The following FRAS1 variants were observed in gnomAD, a reference collection of about 807,000 sequenced individuals.
FRAS1 encodes Fraser extracellular matrix complex subunit 1, also known as extracellular matrix organizing protein FRAS1.
Under a neutral mutation model 435.2 loss-of-function variants are expected in FRAS1, and 290 were observed. The observed-to-expected ratio is 0.67, with a 90% CI of 0.61 to 0.73. The LOEUF (loss-of-function observed/expected upper bound fraction) is 0.73. FRAS1 is among the 30% of genes least tolerant of loss of function. FRAS1 has a pLI of 0.00. For missense variants in FRAS1, 4,860 were observed against 5,001.5 expected, an observed-to-expected ratio of 0.97 and a Z score of 0.85; for synonymous variants, 1,800 against 1,851.0, an observed-to-expected ratio of 0.97 and a Z score of 0.71.
At chr4:78,064,132 T>C (rs1054427103) in intron 1 of FRAS1, among the ~76,000 whole-genome samples, 4 of 151,526 alleles carry the variant, frequency 2.6e-5, no homozygotes, top group Non-Finnish European at 5.9e-5. Flanking sequence ...AAGGAAAAAG[T>C]AGTCAATTAA....
At chr4:78,453,354 G>GAAT (rs1463764076) in intron 47 of FRAS1, among the ~76,000 whole-genome samples, 1 of 152,190 alleles carries the variant, frequency 6.6e-6, no homozygotes, top group Admixed American at 6.5e-5. Flanking sequence ...AGTAAGATGA[G>GAAT]AATAATGCGA....
At position 78,069,194 on chromosome 4, in the gene FRAS1, C is replaced by G. The variant is rs117041842; in HGVS notation, c.108+3178C>G. ...GACTTGAGAAATCTCTTAGTCCAGA[C>G]TGTCCATTTTATGGATGAGGAAACT... On this transcript the variant is annotated intron_variant, in intron 2 of 73. Coordinates refer to ENST00000512123, the MANE Select transcript of FRAS1 (RefSeq NM_025074.7). Among the ~76,000 whole-genome samples, 131 of 152,304 alleles carry G rather than the reference C, an allele frequency of 8.6e-4. 1 individual carries two copies. The East Asian group carries it at 0.019, about 22-fold the overall frequency.
intron 2 of FRAS1, among the ~76,000 whole-genome samples, chr4:78,115,178 C>T (rs976643871): frequency 1.1e-4 from 16 of 151,386 alleles, no homozygotes; most frequent in African/African-American, 3.9e-4. Flanking sequence ...AGGGATGAAG[C>T]CCACTTGATC....
chr4:78,180,094 A>G (rs552288766), intron 2 of FRAS1, among the ~76,000 whole-genome samples: 1 of 152,318 alleles, frequency 6.6e-6, no homozygotes, highest in Admixed American at 6.5e-5. Flanking sequence ...ACACAGGTAA[A>G]CATTCATTCA....
At chr4:78,406,471 G>C (rs1057115256) in intron 30 of FRAS1, among the ~76,000 whole-genome samples, 1 of 152,112 alleles carries the variant, frequency 6.6e-6, no homozygotes, top group African/African-American at 2.4e-5. Flanking sequence ...GAGAAAATGA[G>C]GAAGAGGCAA....
At chr4:78,213,402 C>T (rs1440236830) in intron 2 of FRAS1, among the ~76,000 whole-genome samples, 3 of 152,342 alleles carry the variant, frequency 2.0e-5, no homozygotes, top group African/African-American at 7.2e-5. Context: ...TTGACTTGGC[C>T]GTTGGCCAAA....
intron 47 of FRAS1, among the ~76,000 whole-genome samples, chr4:78,461,973 G>A (rs1395402478): frequency 6.6e-6 from 1 of 152,226 alleles, no homozygotes; most frequent in African/African-American, 2.4e-5. Flanking sequence ...GAAAGGGAAG[G>A]ATGGAAGGGT....
Position 78,363,891 on chromosome 4 carries a change from C to A in FRAS1, c.2576-17C>A. ...TCTGACATCATGGTTTCTGTTGTGT[C>A]TCTTTTTCCTCTGCAGAATGCCACT... On this transcript the variant is annotated splice_polypyrimidine_tract_variant and intron_variant, in intron 21 of 73. Coordinates refer to ENST00000512123, the MANE Select transcript of FRAS1 (RefSeq NM_025074.7). 1 of 1,599,946 alleles carries A rather than the reference C, an allele frequency of 6.3e-7. No individual in the cohort carries two copies. The highest frequency in any genetic ancestry group is 1.7e-5 in the Admixed American group (1 of 58,166).
intron 2 of FRAS1, among the ~76,000 whole-genome samples, chr4:78,177,125 T>C (rs1721809939): frequency 6.6e-6 from 1 of 151,158 alleles, no homozygotes; most frequent in Non-Finnish European, 1.5e-5. Flanking sequence ...TCTTGCTCTG[T>C]TGCCCAGGCT....
intron 34 of FRAS1, among the ~76,000 whole-genome samples, chr4:78,423,562 T>C (rs1308406386): frequency 6.6e-6 from 1 of 152,246 alleles, no homozygotes; most frequent in Non-Finnish European, 1.5e-5. Flanking sequence ...AGTGGTGATT[T>C]CTTATGGTGA....
rs563874489 is a variant in FRAS1, at chr4:78,181,909, A to G, written c.109-55601A>G. The G allele has an allele frequency of 4.3e-6, 7 of 1,610,846 alleles. No individual in the cohort carries two copies. In the African/African-American group the frequency reaches 6.7e-5, roughly 15 times the overall value. ...CTGCGCTCTTGGCCCCAGGGCCCCC[A>G]ACGCCACCCCTGCCGGCTTCTTTTT... On this transcript the variant is annotated intron_variant, in intron 2 of 73. Coordinates refer to ENST00000512123, the MANE Select transcript of FRAS1 (RefSeq NM_025074.7).
intron 2 of FRAS1, among the ~76,000 whole-genome samples, chr4:78,170,292 T>A (rs1006194931): frequency 1.3e-5 from 2 of 152,180 alleles, no homozygotes; most frequent in Non-Finnish European, 2.9e-5. Context: ...TATAAATAGC[T>A]ACAAAGAGTT....
At chr4:78,325,259 T>C (rs1560656610) in intron 18 of FRAS1, among the ~76,000 whole-genome samples, 1 of 152,188 alleles carries the variant, frequency 6.6e-6, no homozygotes, top group Admixed American at 6.5e-5. Context: ...GTATCAGTTT[T>C]TAAAAAAATA....
At chr4:78,385,301 G>A (rs1336268818) in intron 28 of FRAS1, among the ~76,000 whole-genome samples, 1 of 152,198 alleles carries the variant, frequency 6.6e-6, no homozygotes. Flanking sequence ...GGGGAACCAA[G>A]ACTAGCTAAA....
rs184746709 is a variant in FRAS1 at position 78,059,907 on chromosome 4, G to A, written c.76+1822G>A. 2.5e-3 allele frequency among the ~76,000 whole-genome samples: 378 copies of A among 148,768 alleles called. 7 individuals are homozygous for A. Among genetic ancestry groups the A allele is most frequent in the Admixed American group, 0.019 (281 of 14,896 alleles). ...GAGACGGGGGGCGGGGGCGGGGGCG[G>A]AGAGAGGGTGTGGATATTACTCCAA... is the stretch of plus-strand genomic sequence containing the variant. On this transcript the variant is annotated intron_variant, in intron 1 of 73. Coordinates refer to ENST00000512123, the MANE Select transcript of FRAS1 (RefSeq NM_025074.7).
Position 78,466,348 on chromosome 4 carries a change from C to A in FRAS1, c.7170C>A (p.Asp2390Glu). 1 of 1,613,922 alleles carries A rather than the reference C, an allele frequency of 6.2e-7. No homozygotes were observed. Among genetic ancestry groups the A allele is most frequent in the South Asian group, 1.1e-5 (1 of 91,078 alleles). ...AGAACCGGGTCAGCTACAGCCATGA[C>A]GGCAGTAACTCCCTCAAGGACCGGT... ...IYQNRVSYSH[D>E]GSNSLKDRFT... The change falls in exon 50 of 74, where the codon GAC becomes GAA. Residue 2390 changes from aspartate to glutamate, a missense_variant. Asp to Glu is a conservative substitution (Grantham distance 45). Transcript: ENST00000512123.
At chr4:78,132,606 A>G (rs1005844408) in intron 2 of FRAS1, among the ~76,000 whole-genome samples, 3 of 152,158 alleles carry the variant, frequency 2.0e-5, no homozygotes, top group Non-Finnish European at 4.4e-5. Context: ...ATGGCAGATC[A>G]CTCTGGTTGT....
chr4:78,515,685 G>A, intron 65 of FRAS1, 114 bp from the exon 66 acceptor site: 1 of 878,566 alleles, frequency 1.1e-6, no homozygotes, highest in South Asian at 1.6e-5. Flanking sequence ...TTTGTTAGTA[G>A]GGTCTCAGGT....
chr4:78,231,970 A>G (rs1460841098), intron 2 of FRAS1, among the ~76,000 whole-genome samples: 3 of 152,174 alleles, frequency 2.0e-5, no homozygotes, highest in Non-Finnish European at 2.9e-5. Flanking sequence ...TTTTAAGAGT[A>G]TTTCTTTTGC....
Sources: gnomAD v4.1 joint callset for allele counts (sites outside exome capture counted in the v4.1 genomes callset) on GRCh38, gnomAD v4.1.1 for gene constraint, MANE v1.5 for transcripts, NCBI Gene and HGNC (gene_info 2026-07-23, HGNC 2026-07-21) for gene names.